Variants in RMDN1 observed in about 807,000 individuals in gnomAD.
The protein encoded by RMDN1 is regulator of microtubule dynamics 1.
RMDN1 carries 48 observed loss-of-function variants against 48.9 expected under a neutral mutation model. The observed-to-expected ratio is 0.98, with a 90% CI of 0.78 to 1.25. The LOEUF (loss-of-function observed/expected upper bound fraction) is 1.25, where lower values mean the gene tolerates loss of function less well. RMDN1 is among the 50% of genes most tolerant of loss of function. The probability of loss-of-function intolerance (pLI) is 0.00; values close to 1 mark genes in which losing one functional copy is unlikely to be tolerated. For synonymous variants in RMDN1, 148 were observed against 132.6 expected (o/e 1.12, Z -0.80); for missense variants, 418 against 373.4 (o/e 1.12, Z -0.98).
intron 2 of RMDN1, among the ~76,000 whole-genome samples, chr8:86,500,481 T>C (rs1396522178): frequency 6.6e-6 from 1 of 150,426 alleles, no homozygotes; most frequent in Non-Finnish European, 1.5e-5. Flanking sequence ...TGAGATACCA[T>C]CTCATACCAC....
chr8:86,503,214 T>C (rs552177295), intron 2 of RMDN1, among the ~76,000 whole-genome samples: 5 of 151,744 alleles, frequency 3.3e-5, no homozygotes, highest in Admixed American at 2.6e-4. Context: ...TAGCTAGGTA[T>C]GGTGATACGT....
At chr8:86,476,041 G>A (rs1813321201) in intron 8 of RMDN1, among the ~76,000 whole-genome samples, 1 of 152,004 alleles carries the variant, frequency 6.6e-6, no homozygotes, top group African/African-American at 2.4e-5. Context: ...AGATACTAAG[G>A]GCATCAGAGG....
At position 86,482,629 on chromosome 8, in the gene RMDN1, AG is replaced by A; in HGVS notation, c.585+2242del. ...TCCCACATCACTGAAGCCTCCCACG[AG>A]GTATACTTCCAGGCTTCCACATTGA... On this transcript the variant is annotated intron_variant, in intron 5 of 9. Coordinates refer to ENST00000406452, the MANE Select transcript of RMDN1 (RefSeq NM_016033.3). 5.2e-6 allele frequency: 4 copies of A among 771,916 alleles called. No individual in the cohort carries two copies. In the South Asian group the frequency reaches 5.4e-5, roughly 10 times the overall value. The allele number at this position is 771,916 out of a possible 1,614,324, so 47.8% of individuals were successfully genotyped here. A position where few individuals can be genotyped will look rare whatever the true frequency, so the allele number is the denominator to read the frequency against.
At chr8:86,500,304 G>C (rs1321081344) in intron 2 of RMDN1, among the ~76,000 whole-genome samples, 1 of 151,994 alleles carries the variant, frequency 6.6e-6, no homozygotes, top group Non-Finnish European at 1.5e-5. Flanking sequence ...CTAATATCCA[G>C]AATCTATAGG....
chr8:86,494,717 T>C (rs1586715312), intron 2 of RMDN1: 1 of 223,174 alleles, frequency 4.5e-6, no homozygotes, highest in Admixed American at 5.5e-5. Flanking sequence ...CAGCTGGCTG[T>C]GGTGGCTCAT....
upstream of RMDN1, among the ~76,000 whole-genome samples, chr8:86,512,464 G>A (rs1334274146): frequency 1.3e-5 from 2 of 152,172 alleles, no homozygotes; most frequent in Admixed American, 6.5e-5. Flanking sequence ...CTGTGCCCCA[G>A]ATATTTGCAT....
chr8:86,478,546 A>T (rs1813789688), intron 7 of RMDN1: 1 of 167,632 alleles, frequency 6.0e-6, no homozygotes, highest in Non-Finnish European at 1.3e-5. Flanking sequence ...TTATCAACTT[A>T]AGCATCTGCT....
chr8:86,474,759 T>C, intron 9 of RMDN1, 61 bp downstream of exon 9: 1 of 1,478,940 alleles, frequency 6.8e-7, no homozygotes, highest in Non-Finnish European at 9.4e-7. Flanking sequence ...AAGAAGTTCT[T>C]AATTCACCAT....
chr8:86,499,274 C>G (rs1817844403), intron 2 of RMDN1, among the ~76,000 whole-genome samples: 1 of 152,254 alleles, frequency 6.6e-6, no homozygotes, highest in South Asian at 2.1e-4. Flanking sequence ...GGAACTCAAA[C>G]CATCTCTCCT....
intron 8 of RMDN1, among the ~76,000 whole-genome samples, chr8:86,475,361 C>T (rs1813197816): frequency 6.6e-6 from 1 of 151,990 alleles, no homozygotes; most frequent in Non-Finnish European, 1.5e-5. Flanking sequence ...TGTACATCGG[C>T]TGAATAAGTG....
In RMDN1 at chr8:86,499,172, C is replaced by T. The variant is rs768495174; in HGVS notation, c.247+7823G>A. ...AAATGGAACAAGACAAGGATGCCCA[C>T]TCTTACCACTCCTTTTAAATATAGT... On this transcript the variant is annotated intron_variant, in intron 2 of 9. Transcript: ENST00000406452. Among the ~76,000 whole-genome samples the T allele has an allele frequency of 1.3e-5, 2 of 152,158 alleles. 1 individual carries two copies. The highest frequency in any genetic ancestry group is 3.8e-4 in the East Asian group (2 of 5,196).
chr8:86,472,019 A>G (rs1222785009), downstream of RMDN1, among the ~76,000 whole-genome samples: 1 of 152,208 alleles, frequency 6.6e-6, no homozygotes, highest in Non-Finnish European at 1.5e-5. Flanking sequence ...ATATGGGTAG[A>G]TATTAGATGA....
chr8:86,476,491 T>C lies in RMDN1; in HGVS notation c.760+803A>G, dbSNP rs185280004. ...TCAATGGTTTTTATGGTCTATTTGG[T>C]ATCATATGCTTATGTCTCTTATCTC... is the stretch of plus-strand genomic sequence containing the variant. On this transcript the variant is annotated intron_variant, in intron 8 of 9. Coordinates refer to ENST00000406452, the MANE Select transcript of RMDN1 (RefSeq NM_016033.3). Among the ~76,000 whole-genome samples, 3 of 152,300 alleles carry C rather than the reference T, an allele frequency of 2.0e-5. No homozygotes were observed. The East Asian group carries it at 5.8e-4, about 29-fold the overall frequency.
intron 2 of RMDN1, among the ~76,000 whole-genome samples, chr8:86,501,615 A>G (rs1310113726): frequency 6.6e-6 from 1 of 152,040 alleles, no homozygotes. Flanking sequence ...TAGAGGCTAC[A>G]GCGAGTTGTG....
At position 86,474,291 on chromosome 8, in the gene RMDN1, TC is replaced by T. The variant is rs777257336; in HGVS notation, c.*16del. 83 of 1,613,026 alleles carry T rather than the reference TC, an allele frequency of 5.1e-5. No homozygotes were observed. In the African/African-American group the frequency reaches 9.7e-4, roughly 19 times the overall value. Reference sequence around the variant, plus strand: ...CAATGTTTATTAGCTATTTCATAAATCTTCTCTGAAAAGTTCTCAATTCTTC... The same window carrying T: ...CAATGTTTATTAGCTATTTCATAAATTTCTCTGAAAAGTTCTCAATTCTTC... On this transcript the variant is annotated 3_prime_UTR_variant, in exon 10 of 10. Coordinates refer to ENST00000406452, the MANE Select transcript of RMDN1 (RefSeq NM_016033.3).
At chr8:86,483,080 T>A (rs192072349) in intron 5 of RMDN1, 26 of 435,430 alleles carry the variant, frequency 6.0e-5, no homozygotes, top group African/African-American at 5.0e-4. Flanking sequence ...GCAAACTCTT[T>A]TATAATCAAT....
At chr8:86,507,889 G>A (rs1306325195) in intron 1 of RMDN1, among the ~76,000 whole-genome samples, 1 of 152,154 alleles carries the variant, frequency 6.6e-6, no homozygotes, top group East Asian at 1.9e-4. Context: ...CCTAGTTCAT[G>A]TGAAATATAT....
At chr8:86,482,050 GTCC>G (rs892758924) in intron 5 of RMDN1, 82 of 676,482 alleles carry the variant, frequency 1.2e-4, no homozygotes, top group Middle Eastern at 4.2e-4. Context: ...CTAATCACTG[GTCC>G]TCCTGCTAAA....
rs770951161 is a variant in RMDN1 at position 86,495,621 on chromosome 8, C to G, written c.248-6982G>C. Reference sequence around the variant, plus strand: ...TGCCAGCCTCTCCCAGGGTCCCTGCCTGGCCGCACCCGTAGGCAGCACAGC... The same window carrying G: ...TGCCAGCCTCTCCCAGGGTCCCTGCGTGGCCGCACCCGTAGGCAGCACAGC... On this transcript the variant is annotated intron_variant, in intron 2 of 9. Transcript: ENST00000406452. Among the ~76,000 whole-genome samples the G allele has an allele frequency of 1.7e-4, 26 of 152,130 alleles. 1 individual carries two copies. Among genetic ancestry groups the G allele is most frequent in the Admixed American group, 2.0e-4 (3 of 15,276 alleles).
Sources: gnomAD v4.1 joint callset for allele counts (sites outside exome capture counted in the v4.1 genomes callset) on GRCh38, gnomAD v4.1.1 for gene constraint, MANE v1.5 for transcripts, NCBI Gene and HGNC (gene_info 2026-07-23, HGNC 2026-07-21) for gene names.